Variants in ERC1 observed in about 807,000 individuals in gnomAD.
ERC1 encodes the protein RAB6 interacting protein 2.
Under a neutral mutation model 132.0 loss-of-function variants are expected in ERC1, and 56 were observed. The ratio of observed to expected loss-of-function variants is 0.42; its 90% CI spans 0.34 to 0.53. The LOEUF is 0.53. Among genes scored for constraint, ERC1 ranks in the 20% least tolerant of loss-of-function variants. The pLI is 0.03. For missense variants in ERC1, 1,202 were observed against 1,349.9 expected, an observed-to-expected ratio of 0.89 and a Z score of 1.72; for synonymous variants, 478 against 476.1, an observed-to-expected ratio of 1.00 and a Z score of -0.05.
intron 7 of ERC1, among the ~76,000 whole-genome samples, chr12:1,122,223 ATC>A (rs1947478478): frequency 9.1e-5 from 4 of 43,980 alleles, no homozygotes; most frequent in East Asian, 1.1e-3. Context: ...CTCTATCTCT[ATC>A]TCTATCTCTA....
chr12:1,206,485 C>T (rs1566244930), intron 12 of ERC1, among the ~76,000 whole-genome samples: 1 of 152,044 alleles, frequency 6.6e-6, no homozygotes, highest in Non-Finnish European at 1.5e-5. Context: ...CCCTTGTCTT[C>T]TTCCCCTGCC....
rs1418990863 is a variant in ERC1 at position 1,425,718 on chromosome 12, T to C, written c.3024+17471T>C. ...TTTTCTGACAGACTTAGTATTAGGA[T>C]CAACTATCATTTTTCTGGCCCTAAT... is the stretch of plus-strand genomic sequence containing the variant. On this transcript the variant is annotated intron_variant, in intron 17 of 18. Transcript: ENST00000360905. Among the ~76,000 whole-genome samples the C allele has an allele frequency of 2.0e-5, 3 of 152,216 alleles. No homozygotes were observed. In the East Asian group the frequency reaches 5.8e-4, roughly 29 times the overall value.
chr12:1,138,419 G>T (rs1949565919), intron 7 of ERC1, among the ~76,000 whole-genome samples: 1 of 144,054 alleles, frequency 6.9e-6, no homozygotes. Context: ...AATATATATA[G>T]AAATATTGGT....
At chr12:1,122,609 C>CTGTG (rs1947652348) in intron 7 of ERC1, among the ~76,000 whole-genome samples, 1 of 6,446 alleles carries the variant, frequency 1.6e-4, no homozygotes, top group African/African-American at 2.0e-4. Context: ...GTGTCTCTAT[C>CTGTG]TCTATCTCTA....
At chr12:1,007,540 C>CTCTCTCTCTGTGTG (rs1555194875) in intron 1 of ERC1, among the ~76,000 whole-genome samples, 1,694 of 122,604 alleles carry the variant, frequency 0.014, 18 homozygotes, top group Non-Finnish European at 0.017. Context: ...CTCTCTCTCT[C>CTCTCTCTCTGTGTG]TGTGTGTGTG....
intron 7 of ERC1, among the ~76,000 whole-genome samples, chr12:1,118,622 CTATT>C (rs1310000580): frequency 1.3e-5 from 2 of 152,194 alleles, no homozygotes; most frequent in African/African-American, 4.8e-5. Flanking sequence ...TGTAATATGT[CTATT>C]TATTAGCATT....
At chr12:1,410,330 C>T (rs1016618883) in intron 17 of ERC1, 1 of 725,884 alleles carries the variant, frequency 1.4e-6, no homozygotes, top group East Asian at 5.7e-5. Flanking sequence ...TACTAACCAC[C>T]TCTTTTTCAT....
chr12:1,394,034 CAAAA>C (rs1298602508), intron 16 of ERC1, among the ~76,000 whole-genome samples: 2 of 45,286 alleles, frequency 4.4e-5, no homozygotes, highest in African/African-American at 2.4e-4. Flanking sequence ...AAAAAAAAAA[CAAAA>C]AAAAAACCAC....
chr12:1,029,411 T>G (rs1456933911), intron 2 of ERC1, among the ~76,000 whole-genome samples: 1 of 152,210 alleles, frequency 6.6e-6, no homozygotes, highest in Non-Finnish European at 1.5e-5. Flanking sequence ...ACCTGTTCTT[T>G]TTGTTGCCAT....
intron 17 of ERC1, among the ~76,000 whole-genome samples, chr12:1,409,299 A>G (rs1242777268): frequency 6.6e-6 from 1 of 152,218 alleles, no homozygotes; most frequent in Non-Finnish European, 1.5e-5. Context: ...CCCTGCCAAG[A>G]GATCATTTTA....
chr12:1,460,167 A>G (rs1443289870), intron 18 of ERC1, among the ~76,000 whole-genome samples: 1 of 152,222 alleles, frequency 6.6e-6, no homozygotes, highest in African/African-American at 2.4e-5. Flanking sequence ...CTTCTAATAT[A>G]TGCCCACTAC....
chr12:1,029,517 C>A (rs886514984), intron 2 of ERC1, among the ~76,000 whole-genome samples: 9 of 152,112 alleles, frequency 5.9e-5, no homozygotes, highest in African/African-American at 2.2e-4. Context: ...TGATTGTTTA[C>A]TTGTAGAAAA....
At chr12:1,348,093 A>G (rs924005362) in intron 15 of ERC1, among the ~76,000 whole-genome samples, 4 of 152,130 alleles carry the variant, frequency 2.6e-5, no homozygotes, top group Non-Finnish European at 5.9e-5. Context: ...TGCAGTGTTT[A>G]TTTACATTGT....
At chr12:1,300,268 A>C (rs946644154) in intron 15 of ERC1, among the ~76,000 whole-genome samples, 2 of 152,224 alleles carry the variant, frequency 1.3e-5, no homozygotes, top group African/African-American at 4.8e-5. Context: ...AGCCATATGC[A>C]GAAGATTAAA....
At position 1,121,733 on chromosome 12, in the gene ERC1, C is replaced by G. The variant is rs1230030266; in HGVS notation, c.1569+5700C>G. 4.7e-3 allele frequency among the ~76,000 whole-genome samples: 26 copies of G among 5,578 alleles called. 1 individual carries two copies. Among genetic ancestry groups the G allele is most frequent in the African/African-American group, 6.5e-3 (21 of 3,220 alleles). 3.7% of individuals were successfully genotyped at this position (5,578 alleles called of 152,430 possible). A position where few individuals can be genotyped will look rare whatever the true frequency, so the allele number is the denominator to read the frequency against. ...TGTGTCTCTATCTCTATCTCTATCT[C>G]TATCTCTATCTATCTCTATCTCTAT... On this transcript the variant is annotated intron_variant, in intron 7 of 18. Coordinates refer to ENST00000360905, the MANE Select transcript of ERC1 (RefSeq NM_178040.4).
intron 15 of ERC1, among the ~76,000 whole-genome samples, chr12:1,342,007 G>A (rs2083945615): frequency 1.3e-5 from 2 of 151,894 alleles, no homozygotes; most frequent in Non-Finnish European, 2.9e-5. Context: ...AGATGAAAGG[G>A]GATGGTTTTT....
At chr12:1,481,416 ACAAT>A (rs879305778) in intron 18 of ERC1, among the ~76,000 whole-genome samples, 2 of 152,270 alleles carry the variant, frequency 1.3e-5, no homozygotes, top group African/African-American at 4.8e-5. Context: ...CTAAAGCTTT[ACAAT>A]CAAAGTCAAC....
At chr12:1,149,720 T>C (rs958602338) in intron 8 of ERC1, among the ~76,000 whole-genome samples, 1 of 152,158 alleles carries the variant, frequency 6.6e-6, no homozygotes, top group Non-Finnish European at 1.5e-5. Flanking sequence ...TTTTTTGTTA[T>C]CATTTATTTC....
At position 1,491,381 on chromosome 12, in the gene ERC1, T is replaced by G. The variant is rs142217717; in HGVS notation, c.*1151T>G. Reference sequence around the variant, plus strand: ...TGAAGGTTTTTCCTCCTACACACATTCCTTCCTCGGTTATTTCATTCAGAG... The same window carrying G: ...TGAAGGTTTTTCCTCCTACACACATGCCTTCCTCGGTTATTTCATTCAGAG... On this transcript the variant is annotated 3_prime_UTR_variant, in exon 19 of 19. Transcript: ENST00000360905. 73 of 231,052 alleles carry G rather than the reference T, an allele frequency of 3.2e-4. No homozygotes were observed. Among genetic ancestry groups the G allele is most frequent in the Admixed American group, 1.9e-3 (33 of 17,708 alleles). 14.3% of individuals were successfully genotyped at this position (231,052 alleles called of 1,614,324 possible). A position where few individuals can be genotyped will look rare whatever the true frequency, so the allele number is the denominator to read the frequency against.
Sources: gnomAD v4.1 joint callset for allele counts (sites outside exome capture counted in the v4.1 genomes callset) on GRCh38, gnomAD v4.1.1 for gene constraint, MANE v1.5 for transcripts, NCBI Gene and HGNC (gene_info 2026-07-23, HGNC 2026-07-21) for gene names.